Variants in MRPL38 observed in about 807,000 individuals in gnomAD.
The protein encoded by MRPL38 is large ribosomal subunit protein mL38.
MRPL38 carries 51 observed loss-of-function variants against 52.1 expected under a neutral mutation model. The ratio of observed to expected loss-of-function variants is 0.98; its 90% CI spans 0.78 to 1.24. MRPL38 has a LOEUF of 1.24. Among genes scored for constraint, MRPL38 ranks in the 50% most tolerant of loss-of-function variants. The probability of loss-of-function intolerance (pLI) is 0.00; values close to 1 mark genes in which losing one functional copy is unlikely to be tolerated. For missense variants in MRPL38, 527 were observed against 518.6 expected, an observed-to-expected ratio of 1.02 and a Z score of -0.16; for synonymous variants, 245 against 212.7, an observed-to-expected ratio of 1.15 and a Z score of -1.32.
chr17:75,904,300 T>C (rs1436222754), intron 2 of MRPL38: 6 of 686,032 alleles, frequency 8.7e-6, no homozygotes, highest in Non-Finnish European at 1.6e-5. Flanking sequence ...GCAAATATTT[T>C]AGGAGCTGGA....
In MRPL38 at chr17:75,899,187, G is replaced by A; in HGVS notation, c.977C>T (p.Ser326Phe). The A allele has an allele frequency of 1.2e-6, 2 of 1,605,684 alleles. No individual in the cohort carries two copies. Among genetic ancestry groups the A allele is most frequent in the South Asian group, 1.1e-5 (1 of 89,482 alleles). Residue 326 changes from serine (S) to phenylalanine (F), a missense_variant, in exon 8 of 9, where the codon TCC (serine) becomes TTC (phenylalanine). Coordinates refer to ENST00000309352, the MANE Select transcript of MRPL38 (RefSeq NM_032478.4). ...LSFFQCRWDD[S>F]VTYIFHQLLD... ...AAGCTGGTGGAAGATGTAGGTGACG[G>A]AGTCATCCCAGCGGCACTGGAAGAA...
rs578122521 is a variant in MRPL38 at position 75,901,413 on chromosome 17, A to G, written c.592-140T>C. ...CAGGCAGGCAGGCAAAGGGATGCGTAGAGAAGCAGCCCTGCAGAGTTGCCT... is the reference window on the plus strand; with the variant it reads ...CAGGCAGGCAGGCAAAGGGATGCGTGGAGAAGCAGCCCTGCAGAGTTGCCT... On this transcript the variant is annotated intron_variant, in intron 4 of 8. Transcript: ENST00000309352. This position sits in a 1 kb window ranked among gnomAD's most constrained non-coding sequence, Gnocchi z 5.7. The G allele has an allele frequency of 1.5e-4, 128 of 842,494 alleles. 1 individual carries two copies. In the East Asian group the frequency reaches 2.3e-3, roughly 15 times the overall value. The allele number at this position is 842,494 out of a possible 1,614,324, so 52.2% of individuals were successfully genotyped here.
Position 75,901,348 on chromosome 17 carries a change from GT to G in MRPL38, c.592-76del. 2.1e-6 allele frequency: 3 copies of G among 1,458,568 alleles called. No individual in the cohort carries two copies. Among genetic ancestry groups the G allele is most frequent in the Non-Finnish European group, 2.8e-6 (3 of 1,055,578 alleles). The allele number at this position is 1,458,568 out of a possible 1,614,324, so 90.4% of individuals were successfully genotyped here. ...GTTGCAGGGAGCCTTGGAGAAAGGG[GT>G]GCCCACTCTGACCCAAAAGCCCTTG... On this transcript the variant is annotated intron_variant, in intron 4 of 8. Transcript: ENST00000309352. The surrounding 1 kb of genome is among the most constrained non-coding windows in gnomAD (Gnocchi z 5.7).
rs1567853219 is a variant in MRPL38, at chr17:75,901,871, G to A, written c.432C>T (p.Gly144=). ...CAGCCAGACGCTGCTTGTGGTAGGG[G>A]CCACAGGTCCTCTCCCACTCGGCCC... ...AVRAEWERTC[G]PYHKQRLAEY... Residue 144 remains glycine (G), a synonymous_variant, in exon 4 of 9, where the codon GGC becomes GGT. Coordinates refer to ENST00000309352, the MANE Select transcript of MRPL38 (RefSeq NM_032478.4). The surrounding 1 kb of genome is among the most constrained non-coding windows in gnomAD (Gnocchi z 5.7). The A allele has an allele frequency of 6.3e-7, 1 of 1,578,784 alleles. No homozygotes were observed. The highest frequency in any genetic ancestry group is 8.6e-7 in the Non-Finnish European group (1 of 1,159,968).
intron 2 of MRPL38, chr17:75,904,100 C>T (rs2065417380): frequency 2.5e-6 from 1 of 405,524 alleles, no homozygotes; most frequent in African/African-American, 2.1e-5. Context: ...ACATGTACAT[C>T]CTTGCACTGT....
chr17:75,901,764 C>A lies in MRPL38; in HGVS notation c.539G>T (p.Gly180Val), dbSNP rs774669356. The part of the protein sequence containing the change: ...RVPLHVAYAV[G>V]EDDLMPVYCG... Reference sequence around the variant, plus strand: ...GTACACAGGCATCAGGTCATCCTCACCCACAGCGTAGGCCACGTGCAGGGG... The same window carrying A: ...GTACACAGGCATCAGGTCATCCTCAACCACAGCGTAGGCCACGTGCAGGGG... Residue 180 changes from glycine (G) to valine (V), a missense_variant, in exon 4 of 9, where the codon GGT becomes GTT. Physicochemically the swap from Gly to Val is moderately radical, Grantham distance 109. Transcript: ENST00000309352. The surrounding 1 kb of genome is among the most constrained non-coding windows in gnomAD (Gnocchi z 5.7). 6.2e-7 allele frequency: 1 copy of A among 1,613,776 alleles called. No individual in the cohort carries two copies. Among genetic ancestry groups the A allele is most frequent in the Admixed American group, 1.7e-5 (1 of 59,992 alleles).
At position 75,901,876 on chromosome 17, in the gene MRPL38, A is replaced by G. The variant is rs777149219; in HGVS notation, c.427T>C (p.Cys143Arg). ...AGACGCTGCTTGTGGTAGGGGCCAC[A>G]GGTCCTCTCCCACTCGGCCCGCACG... ...DAVRAEWERT[C>R]GPYHKQRLAE... Residue 143 changes from cysteine (C) to arginine (R), a missense_variant, in exon 4 of 9, where the codon TGT becomes CGT. Cys to Arg is a radical substitution (Grantham distance 180). Transcript: ENST00000309352. This position sits in a 1 kb window ranked among gnomAD's most constrained non-coding sequence, Gnocchi z 5.7. 1 of 1,587,186 alleles carries G rather than the reference A, an allele frequency of 6.3e-7. No individual in the cohort carries two copies. The highest frequency in any genetic ancestry group is 1.4e-5 in the African/African-American group (1 of 72,870).
rs1315167519 is a variant in MRPL38, at chr17:75,900,978, T to G, written c.710+4A>C. On this transcript the variant is annotated splice_donor_region_variant and intron_variant, in intron 6 of 8. Transcript: ENST00000309352. ...CCCCCTACCCCCAGTACTCCAGTAC[T>G]CACAGCAGCCAGTGGAGGTACTCAG... 6.2e-7 allele frequency: 1 copy of G among 1,611,886 alleles called. No homozygotes were observed. The highest frequency in any genetic ancestry group is 8.5e-7 in the Non-Finnish European group (1 of 1,179,262).
At chr17:75,902,553 C>T (rs1001123895) in intron 2 of MRPL38, among the ~76,000 whole-genome samples, 1 of 152,164 alleles carries the variant, frequency 6.6e-6, no homozygotes, top group Admixed American at 6.6e-5. Context: ...AGTGAGGGGG[C>T]GGGCACATCT....
chr17:75,902,710 C>G (rs2065410357), intron 2 of MRPL38, among the ~76,000 whole-genome samples: 1 of 152,204 alleles, frequency 6.6e-6, no homozygotes, highest in South Asian at 2.1e-4. Context: ...GGAAGCAAAT[C>G]AGATACAACT....
intron 8 of MRPL38, 25 bp downstream of exon 8, chr17:75,899,133 A>G: frequency 1.3e-6 from 2 of 1,588,816 alleles, no homozygotes; most frequent in Non-Finnish European, 1.7e-6. Context: ...AGGCCCACCC[A>G]GTGCCCCAGC....
Position 75,900,734 on chromosome 17 carries a change from A to AG in MRPL38, c.710+247_710+248insC, listed in dbSNP as rs2144131596. The AG allele has an allele frequency of 9.9e-6, 13 of 1,319,310 alleles. No homozygotes were observed. In the East Asian group the frequency reaches 2.6e-4, roughly 27 times the overall value. The allele number at this position is 1,319,310 out of a possible 1,614,324, so 81.7% of individuals were successfully genotyped here. A position where few individuals can be genotyped will look rare whatever the true frequency, so the allele number is the denominator to read the frequency against. ...AGACCCTGTCTCAAAAAAAAAAAAA[A>AG]AAAAGAAAAGAAAAGATGAGGAGGC... On this transcript the variant is annotated intron_variant, in intron 6 of 8. Coordinates refer to ENST00000309352, the MANE Select transcript of MRPL38 (RefSeq NM_032478.4).
Position 75,904,715 on chromosome 17 carries a change from G to A in MRPL38, c.72C>T (p.Val24=), listed in dbSNP as rs886775639. 3 of 1,581,316 alleles carry A rather than the reference G, an allele frequency of 1.9e-6. No homozygotes were observed. The highest frequency in any genetic ancestry group is 2.6e-6 in the Non-Finnish European group (3 of 1,172,466). Residue 24 remains valine (V), a synonymous_variant, in exon 2 of 9, where the codon GTC becomes GTT. Transcript: ENST00000309352. ...RRWRGFSTSA[V]LGRRTPPLGP... is the part of the protein sequence containing the mutation. Reference sequence around the variant, plus strand: ...CCAGCGGGGGTGTCCGGCGGCCCAGGACGGCTGCGGGCAGAGAGAAGACGT... The same window carrying A: ...CCAGCGGGGGTGTCCGGCGGCCCAGAACGGCTGCGGGCAGAGAGAAGACGT...
rs1291590795 is a variant in MRPL38, at chr17:75,901,977, T to C, written c.382+43A>G. 2 of 1,611,904 alleles carry C rather than the reference T, an allele frequency of 1.2e-6. No individual in the cohort carries two copies. The highest frequency in any genetic ancestry group is 8.5e-7 in the Non-Finnish European group (1 of 1,178,606). ...GGGTGGGGGGGGCAGGGACACACCC[T>C]GTACCCCAACTCTGGGATGGCCCCT... On this transcript the variant is annotated intron_variant, in intron 3 of 8. Transcript: ENST00000309352. The surrounding 1 kb of genome is among the most constrained non-coding windows in gnomAD (Gnocchi z 5.7).
intron 1 of MRPL38, 39 bp downstream of exon 1, chr17:75,904,770 G>GGGGGGCCC: frequency 1.8e-5 from 9 of 500,004 alleles, no homozygotes; most frequent in Non-Finnish European, 2.5e-5. Flanking sequence ...TCGGGCGACA[G>GGGGGGCCC]CCCCCCCCCC....
chr17:75,902,525 G>A (rs2065409710), intron 2 of MRPL38, among the ~76,000 whole-genome samples: 1 of 152,184 alleles, frequency 6.6e-6, no homozygotes, highest in Non-Finnish European at 1.5e-5. Context: ...GGGATTATAG[G>A]CGCAAGCCAC....
intron 2 of MRPL38, among the ~76,000 whole-genome samples, chr17:75,902,785 G>A (rs545355189): frequency 6.6e-6 from 1 of 152,254 alleles, no homozygotes; most frequent in South Asian, 2.1e-4. Flanking sequence ...GCAGTGGCGC[G>A]ATCTCGGCAC....
chr17:75,899,218 A>G lies in MRPL38; in HGVS notation c.946T>C (p.Leu316=). 1 of 1,609,848 alleles carries G rather than the reference A, an allele frequency of 6.2e-7. No homozygotes were observed. Among genetic ancestry groups the G allele is most frequent in the Non-Finnish European group, 8.5e-7 (1 of 1,178,292 alleles). ...KHQETMTPAG[L]SFFQCRWDDS... ...TCCCAGCGGCACTGGAAGAAGGACA[A>G]GCCGGCTGGAGTCATGGTTTCTTGG... Residue 316 remains leucine (L), a synonymous_variant, in exon 8 of 9, where the codon TTG becomes CTG. Coordinates refer to ENST00000309352, the MANE Select transcript of MRPL38 (RefSeq NM_032478.4).
In MRPL38 at chr17:75,899,627, G is replaced by GGAC; in HGVS notation, c.755_757dup (p.Cys252_Pro253insArg). 2 of 1,603,944 alleles carry GGAC rather than the reference G, an allele frequency of 1.2e-6. No homozygotes were observed. Among genetic ancestry groups the GGAC allele is most frequent in the Non-Finnish European group, 1.7e-6 (2 of 1,174,262 alleles). On this transcript the variant is annotated inframe_insertion, in exon 7 of 9. Transcript: ENST00000309352. Reference sequence around the variant, plus strand: ...TCGGGCAGGGAAGGGGGGGAGGTAGGGACACGTCACCTGTCCTTCAGCCAC... The same window carrying GGAC: ...TCGGGCAGGGAAGGGGGGGAGGTAGGGACGACACGTCACCTGTCCTTCAGCCAC...
Sources: allele counts gnomAD v4.1 joint callset (sites outside exome capture counted in the v4.1 genomes callset), GRCh38; gene constraint gnomAD v4.1.1; non-coding constraint Gnocchi (gnomAD v3.1); transcripts MANE v1.5; gene names NCBI Gene and HGNC (gene_info 2026-07-23, HGNC 2026-07-21).